The following KSR1 variants were observed in gnomAD, a reference collection of about 807,000 sequenced individuals.
KSR1 encodes kinase suppressor of ras 1.
KSR1 carries 35 observed loss-of-function variants against 92.9 expected under a neutral mutation model. The observed-to-expected ratio is 0.38, with a 90% confidence interval of 0.29 to 0.50. The LOEUF (loss-of-function observed/expected upper bound fraction) is 0.50. KSR1 is among the 20% of genes least tolerant of loss of function. KSR1 has a pLI of 0.94. For missense variants in KSR1, 972 were observed against 1,158.5 expected (o/e 0.84, Z 2.34); for synonymous variants, 467 against 472.6 (o/e 0.99, Z 0.15).
intron 15 of KSR1, among the ~76,000 whole-genome samples, chr17:27,608,373 C>T (rs905037591): frequency 2.6e-5 from 4 of 152,140 alleles, no homozygotes; most frequent in Non-Finnish European, 5.9e-5. Flanking sequence ...TATATCCTCC[C>T]TCTCTGGATT....
chr17:27,605,470 G>A lies in KSR1; in HGVS notation c.1651G>A (p.Asp551Asn). Reference protein sequence around the residue: ...EPEAGKSEAEDDEDEVDDLPS... With the variant: ...EPEAGKSEAENDEDEVDDLPS... ...AGAGGCTGGCAAGTCAGAGGCAGAA[G>A]ACGATGAGGACGAGGTGGACGACTT... Residue 551 changes from aspartate (D) to asparagine (N), a missense_variant, in exon 14 of 21, where the codon GAC becomes AAC. Asp to Asn is a conservative substitution (Grantham distance 23, BLOSUM62 1). Transcript: ENST00000644974. The A allele has an allele frequency of 1.9e-6, 3 of 1,608,854 alleles. No homozygotes were observed. The highest frequency in any genetic ancestry group is 2.5e-6 in the Non-Finnish European group (3 of 1,178,538).
At chr17:27,605,875 CCT>C in intron 14 of KSR1, 62 bp downstream of exon 14, 1 of 1,592,996 alleles carries the variant, frequency 6.3e-7, no homozygotes, top group Non-Finnish European at 8.5e-7. Context: ...CCCAGGGAGC[CCT>C]GTTTGTGTGG....
intron 1 of KSR1, among the ~76,000 whole-genome samples, chr17:27,478,742 G>A (rs1049651717): frequency 3.3e-5 from 5 of 152,080 alleles, no homozygotes; most frequent in African/African-American, 1.2e-4. Flanking sequence ...AGATAAATTG[G>A]GAAGTGGGGA....
At chr17:27,492,566 G>T (rs2068862838) in intron 1 of KSR1, among the ~76,000 whole-genome samples, 1 of 152,190 alleles carries the variant, frequency 6.6e-6, no homozygotes, top group East Asian at 1.9e-4. Context: ...TCCCAACTCA[G>T]GGGATCAAAA....
At chr17:27,548,666 C>A (rs1478710225) in intron 1 of KSR1, among the ~76,000 whole-genome samples, 1 of 152,156 alleles carries the variant, frequency 6.6e-6, no homozygotes, top group Non-Finnish European at 1.5e-5. Flanking sequence ...CCCGTCTCTA[C>A]TAAAAATACA....
At chr17:27,597,531 C>A in intron 10 of KSR1, 95 bp downstream of exon 10, 1 of 1,291,892 alleles carries the variant, frequency 7.7e-7, no homozygotes, top group Non-Finnish European at 1.1e-6. Flanking sequence ...TCAGACATGG[C>A]CACAGCTAAG....
At chr17:27,601,731 G>A (rs1391151423) in intron 11 of KSR1, among the ~76,000 whole-genome samples, 1 of 152,184 alleles carries the variant, frequency 6.6e-6, no homozygotes, top group African/African-American at 2.4e-5. Flanking sequence ...AATGGGGAGA[G>A]GACTTTTTGC....
chr17:27,549,892 G>A (rs1389151142), intron 1 of KSR1, among the ~76,000 whole-genome samples: 2 of 152,190 alleles, frequency 1.3e-5, no homozygotes, highest in Non-Finnish European at 2.9e-5. Flanking sequence ...AGGTCACAGA[G>A]CTAGGGTGTG....
intron 2 of KSR1, among the ~76,000 whole-genome samples, chr17:27,553,276 G>A (rs1159629836): frequency 6.6e-6 from 1 of 152,220 alleles, no homozygotes; most frequent in East Asian, 1.9e-4. Flanking sequence ...TTAATCCCAG[G>A]TGAGAGCCAG....
chr17:27,495,265 A>C (rs2068947967), intron 1 of KSR1, among the ~76,000 whole-genome samples: 1 of 152,100 alleles, frequency 6.6e-6, no homozygotes, highest in Non-Finnish European at 1.5e-5. Context: ...GCCCTCTAAT[A>C]CTGATCTCGC....
At chr17:27,519,322 G>T (rs901310887) in intron 1 of KSR1, among the ~76,000 whole-genome samples, 4 of 152,164 alleles carry the variant, frequency 2.6e-5, no homozygotes, top group Admixed American at 2.6e-4. Context: ...GCTCAAGTGT[G>T]GGGCCACATG....
chr17:27,560,063 C>T lies in KSR1; in HGVS notation c.372+9355C>T, dbSNP rs965711328. 4.6e-5 allele frequency among the ~76,000 whole-genome samples: 7 copies of T among 152,282 alleles called. No individual in the cohort carries two copies. In the East Asian group the frequency reaches 1.2e-3, roughly 25 times the overall value. On this transcript the variant is annotated intron_variant, in intron 2 of 20. Transcript: ENST00000644974. ...ACGGGGTGAGGAGCGCTGCCTCCCA[C>T]GTGGCTGGAGGGTGGAAGGGTCGGG...
intron 1 of KSR1, among the ~76,000 whole-genome samples, chr17:27,497,088 A>G (rs758163495): frequency 3.9e-5 from 6 of 152,228 alleles, no homozygotes; most frequent in Non-Finnish European, 7.3e-5. Flanking sequence ...GGAGCTGCTC[A>G]TTAAAGTCAG....
At chr17:27,547,143 A>G (rs1397997494) in intron 1 of KSR1, among the ~76,000 whole-genome samples, 1 of 152,186 alleles carries the variant, frequency 6.6e-6, no homozygotes, top group Non-Finnish European at 1.5e-5. Context: ...GAGAGGGGTA[A>G]GTAACCCCAA....
intron 1 of KSR1, among the ~76,000 whole-genome samples, chr17:27,488,762 G>A (rs1232534399): frequency 2.6e-5 from 4 of 152,176 alleles, no homozygotes; most frequent in Non-Finnish European, 4.4e-5. Flanking sequence ...TCAAGAGATC[G>A]AGACCATTCT....
intron 1 of KSR1, among the ~76,000 whole-genome samples, chr17:27,475,894 C>T (rs1017407644): frequency 2.6e-5 from 4 of 152,050 alleles, no homozygotes; most frequent in African/African-American, 9.7e-5. Context: ...GAAAAATACA[C>T]AGTATTTAAG....
intron 11 of KSR1, among the ~76,000 whole-genome samples, chr17:27,602,257 C>T (rs1180713035): frequency 6.6e-6 from 1 of 152,188 alleles, no homozygotes; most frequent in Non-Finnish European, 1.5e-5. Context: ...TATGGCGTTG[C>T]TCAGGTGTGT....
chr17:27,486,218 C>T (rs983768217), intron 1 of KSR1, among the ~76,000 whole-genome samples: 5 of 152,178 alleles, frequency 3.3e-5, no homozygotes, highest in African/African-American at 7.2e-5. Flanking sequence ...CACAGCCCTT[C>T]GAGGATTTTC....
intron 2 of KSR1, among the ~76,000 whole-genome samples, chr17:27,571,886 C>T (rs534520959): frequency 8.5e-5 from 13 of 152,344 alleles, no homozygotes; most frequent in African/African-American, 3.1e-4. Flanking sequence ...TCAGTGTCAG[C>T]AGGCCCAGGT....
Sources: allele counts gnomAD v4.1 joint callset (sites outside exome capture counted in the v4.1 genomes callset), GRCh38; gene constraint gnomAD v4.1.1; transcripts MANE v1.5; gene names NCBI Gene and HGNC (gene_info 2026-07-23, HGNC 2026-07-21).